BTBD9: variants seen among roughly 807,000 people sequenced by gnomAD.
The protein encoded by BTBD9 is BTB domain containing 9, also known as BTB/POZ domain-containing protein 9.
BTBD9 carries 49 observed loss-of-function variants against 64.3 expected under a neutral mutation model. The observed-to-expected ratio is 0.76, with a 90% CI of 0.61 to 0.97. BTBD9 has a LOEUF of 0.97. BTBD9 is among the 50% of genes least tolerant of loss of function. BTBD9 has a pLI of 0.00. For synonymous variants in BTBD9, 260 were observed against 274.7 expected (o/e 0.95, Z 0.53); for missense variants, 598 against 762.1 (o/e 0.78, Z 2.53).
chr6:38,626,725 C>T lies in BTBD9; in HGVS notation c.-28+13075G>A, dbSNP rs116535649. On this transcript the variant is annotated intron_variant, in intron 1 of 10. Coordinates refer to ENST00000481247, the MANE Select transcript of BTBD9 (RefSeq NM_001099272.2). ...GCCTACTCACCACTCCACTTAGTGACTACATGCTCTTTGCTGCAATCAAGC... is the reference window on the plus strand; with the variant it reads ...GCCTACTCACCACTCCACTTAGTGATTACATGCTCTTTGCTGCAATCAAGC... Among the ~76,000 whole-genome samples, 630 of 152,322 alleles carry T rather than the reference C, an allele frequency of 4.1e-3. 9 individuals carry two copies. The highest frequency in any genetic ancestry group is 0.014 in the African/African-American group (597 of 41,574).
At chr6:38,549,717 A>G (rs1471902912) in intron 6 of BTBD9, among the ~76,000 whole-genome samples, 4 of 152,150 alleles carry the variant, frequency 2.6e-5, no homozygotes, top group African/African-American at 9.7e-5. Flanking sequence ...CCTTTCTTTC[A>G]CAAGTAAGTT....
intron 6 of BTBD9, among the ~76,000 whole-genome samples, chr6:38,534,050 G>GAAAC (rs537628769): frequency 6.6e-6 from 1 of 151,708 alleles, no homozygotes; most frequent in Non-Finnish European, 1.5e-5. Flanking sequence ...AAATGAAACT[G>GAAAC]AAACAAACAA....
At chr6:38,306,920 T>A (rs1762648010) in intron 7 of BTBD9, among the ~76,000 whole-genome samples, 1 of 152,254 alleles carries the variant, frequency 6.6e-6, no homozygotes, top group Non-Finnish European at 1.5e-5. Flanking sequence ...ATTACAAAAT[T>A]GTTTTCTAAC....
intron 7 of BTBD9, among the ~76,000 whole-genome samples, chr6:38,305,813 C>T (rs142422401): frequency 2.0e-5 from 3 of 152,140 alleles, no homozygotes; most frequent in South Asian, 2.1e-4. Context: ...CTTTTATGCC[C>T]GAGGGGGAGA....
chr6:38,559,220 T>C (rs2748174), intron 6 of BTBD9, among the ~76,000 whole-genome samples: 24,365 of 152,044 alleles, frequency 0.16, 2,443 homozygotes, highest in African/African-American at 0.27. Context: ...GTTTTCATAA[T>C]AGTTTCAGAA....
intron 6 of BTBD9, among the ~76,000 whole-genome samples, chr6:38,569,208 CAA>C (rs1434567557): frequency 1.3e-5 from 2 of 152,178 alleles, no homozygotes; most frequent in African/African-American, 4.8e-5. Context: ...CCTGGAAGGG[CAA>C]AAACTATATC....
intron 7 of BTBD9, among the ~76,000 whole-genome samples, chr6:38,321,517 A>T (rs1763229713): frequency 6.6e-6 from 1 of 152,206 alleles, no homozygotes; most frequent in Non-Finnish European, 1.5e-5. Context: ...GATGACATTA[A>T]ACTGGACAGC....
rs1242291148 is a variant in BTBD9 at position 38,594,325 on chromosome 6, G to C, written c.188C>G (p.Ala63Gly). ...CTCTCGCATTCCACCATATAATAAT[G>C]CTCTGCACATCAGGGAAGAAACACA... ...ILAARCQYFR[A>G]LLYGGMRESQ... Residue 63 changes from alanine to glycine, a missense_variant and splice_region_variant, in exon 3 of 11, where the codon GCA (alanine) becomes GGA (glycine). Ala to Gly is a moderately conservative substitution (Grantham distance 60). Transcript: ENST00000481247. 1 of 1,601,416 alleles carries C rather than the reference G, an allele frequency of 6.2e-7. No individual in the cohort carries two copies. The highest frequency in any genetic ancestry group is 2.2e-5 in the East Asian group (1 of 44,704).
intron 6 of BTBD9, among the ~76,000 whole-genome samples, chr6:38,539,493 T>C (rs1774170147): frequency 6.6e-6 from 1 of 152,236 alleles, no homozygotes; most frequent in Non-Finnish European, 1.5e-5. Context: ...AGAAGACCAC[T>C]GTTCTGCTCA....
intron 6 of BTBD9, among the ~76,000 whole-genome samples, chr6:38,350,449 C>CA (rs1354304526): frequency 2.0e-5 from 3 of 152,208 alleles, no homozygotes; most frequent in Non-Finnish European, 2.9e-5. Context: ...CCTGTGGTTA[C>CA]AGTTAATCCT....
chr6:38,257,475 G>A (rs180936964), intron 8 of BTBD9, among the ~76,000 whole-genome samples: 121 of 152,266 alleles, frequency 7.9e-4, no homozygotes, highest in African/African-American at 2.6e-3. Flanking sequence ...AGGATTACAG[G>A]TGTGAGCCGC....
intron 9 of BTBD9, among the ~76,000 whole-genome samples, chr6:38,237,873 C>T (rs1234242601): frequency 6.6e-6 from 1 of 151,758 alleles, no homozygotes; most frequent in Non-Finnish European, 1.5e-5. Flanking sequence ...TATGGTAGCT[C>T]ATGCCTCTAC....
At chr6:38,281,940 C>G (rs1761527012) in intron 8 of BTBD9, among the ~76,000 whole-genome samples, 1 of 152,162 alleles carries the variant, frequency 6.6e-6, no homozygotes, top group African/African-American at 2.4e-5. Flanking sequence ...AGGGTTTCAA[C>G]AAAGTGCTGT....
intron 6 of BTBD9, among the ~76,000 whole-genome samples, chr6:38,460,919 G>C (rs534317416): frequency 6.6e-6 from 1 of 152,138 alleles, no homozygotes; most frequent in Non-Finnish European, 1.5e-5. Flanking sequence ...CACCACGCCC[G>C]GCCCCACAGT....
In BTBD9 at chr6:38,308,837, G is replaced by T. The variant is rs1385772989; in HGVS notation, c.1265-20376C>A. 1.1e-4 allele frequency among the ~76,000 whole-genome samples: 17 copies of T among 151,854 alleles called. No individual in the cohort carries two copies. The East Asian group carries it at 3.1e-3, about 28-fold the overall frequency. ...GGGATTTTGCTATATTGCCCAGGCT[G>T]GTCTCAAACTCCTGAGCTCAAGCAT... On this transcript the variant is annotated intron_variant, in intron 7 of 10. Coordinates refer to ENST00000481247, the MANE Select transcript of BTBD9 (RefSeq NM_001099272.2).
intron 9 of BTBD9, among the ~76,000 whole-genome samples, chr6:38,210,081 A>G (rs6904507): frequency 0.79 from 120,661 of 151,792 alleles, 48,080 homozygotes; most frequent in East Asian, 0.97. Flanking sequence ...AGACAGGGGA[A>G]GGGGGTGTTT....
intron 6 of BTBD9, among the ~76,000 whole-genome samples, chr6:38,396,196 A>T (rs79308544): frequency 6.6e-6 from 1 of 152,232 alleles, no homozygotes; most frequent in Admixed American, 6.5e-5. Context: ...TGGAGGTTTT[A>T]AAAGAGGGAA....
At chr6:38,393,675 C>T (rs1766536463) in intron 6 of BTBD9, among the ~76,000 whole-genome samples, 1 of 152,172 alleles carries the variant, frequency 6.6e-6, no homozygotes, top group Non-Finnish European at 1.5e-5. Flanking sequence ...ACTGCTAGGG[C>T]TGTTATACCC....
intron 9 of BTBD9, among the ~76,000 whole-genome samples, chr6:38,222,149 T>C (rs911227970): frequency 1.3e-5 from 2 of 151,798 alleles, no homozygotes; most frequent in Non-Finnish European, 2.9e-5. Context: ...TGTTTGACAC[T>C]GGAATATAAG....
Sources: gnomAD v4.1 joint callset for allele counts (sites outside exome capture counted in the v4.1 genomes callset) on GRCh38, gnomAD v4.1.1 for gene constraint, MANE v1.5 for transcripts, NCBI Gene and HGNC (gene_info 2026-07-23, HGNC 2026-07-21) for gene names.